Variants in BAZ2B observed in about 807,000 individuals in gnomAD.
The protein encoded by BAZ2B is bromodomain adjacent to zinc finger domain 2B.
A neutral mutation model predicts 246.0 loss-of-function variants in BAZ2B; 91 were observed. That is an observed-to-expected ratio of 0.37 (90% CI 0.31 to 0.44). The LOEUF is 0.44. Among genes scored for constraint, BAZ2B ranks in the 20% least tolerant of loss-of-function variants. BAZ2B has a pLI of 1.00. For missense variants in BAZ2B, 2,332 were observed against 2,533.7 expected, an observed-to-expected ratio of 0.92 and a Z score of 1.71; for synonymous variants, 855 against 860.0, an observed-to-expected ratio of 0.99 and a Z score of 0.10.
chr2:159,428,013 G>A lies in BAZ2B; in HGVS notation c.2394C>T (p.Ile798=). 1.2e-6 allele frequency: 2 copies of A among 1,613,388 alleles called. No homozygotes were observed. Among genetic ancestry groups the A allele is most frequent in the Non-Finnish European group, 8.5e-7 (1 of 1,179,478 alleles). Residue 798 remains isoleucine, a synonymous_variant, in exon 13 of 37, where the codon ATC becomes ATT. Transcript: ENST00000392783. ...CACTGAAGCTGAAATTGTCCCTTGAGATATCCATTATTCCATTTCTGCTGA... is the reference window on the plus strand; with the variant it reads ...CACTGAAGCTGAAATTGTCCCTTGAAATATCCATTATTCCATTTCTGCTGA... The part of the protein sequence containing the change: ...KYLSRNGIMD[I]SRDNFSFSAK...
the BAZ2B span, among the ~76,000 whole-genome samples, chr2:159,629,225 G>T: frequency 6.6e-6 from 1 of 152,266 alleles, no homozygotes; most frequent in East Asian, 1.9e-4. Flanking sequence ...TACTGTTGGT[G>T]GGAGTGTAAA....
intron 1 of BAZ2B, among the ~76,000 whole-genome samples, chr2:159,559,656 A>T (rs868779496): frequency 1.3e-5 from 2 of 152,198 alleles, no homozygotes; most frequent in African/African-American, 2.4e-5. Flanking sequence ...TACATGACTT[A>T]ATAGGTACTT....
chr2:159,382,548 A>G lies in BAZ2B; in HGVS notation c.4005+11T>C, dbSNP rs374903010. 97 of 1,546,664 alleles carry G rather than the reference A, an allele frequency of 6.3e-5. No individual in the cohort carries two copies. In the African/African-American group the frequency reaches 1.2e-3, roughly 19 times the overall value. On this transcript the variant is annotated intron_variant, in intron 25 of 36. Transcript: ENST00000392783. ...TTCTAGTTGTCTTAAAATCAACCTA[A>G]ATTTCATTACCTCATCTTCACAGAT...
At chr2:159,527,872 T>G (rs1201641296) in intron 2 of BAZ2B, among the ~76,000 whole-genome samples, 1 of 152,180 alleles carries the variant, frequency 6.6e-6, no homozygotes, top group Non-Finnish European at 1.5e-5. Context: ...CTTGAGAGTG[T>G]TTCTGTAGAC....
intron 5 of BAZ2B, 112 bp downstream of exon 5, chr2:159,448,130 A>G: frequency 8.3e-7 from 1 of 1,210,958 alleles, no homozygotes; most frequent in South Asian, 1.5e-5. Context: ...TCTCTATTAA[A>G]ACAAACAAAC....
intron 16 of BAZ2B, among the ~76,000 whole-genome samples, chr2:159,401,873 C>G (rs2065130524): frequency 6.6e-6 from 1 of 152,176 alleles, no homozygotes; most frequent in East Asian, 1.9e-4. Context: ...AAGTTTCCTA[C>G]TTGAAAATTG....
intron 8 of BAZ2B, chr2:159,434,151 AATT>A (rs34005325): frequency 0.32 from 47,861 of 150,300 alleles, 9,513 homozygotes; most frequent in Non-Finnish European, 0.46. Flanking sequence ...TAAGTCAAAG[AATT>A]ATTATTATTA....
intron 25 of BAZ2B, among the ~76,000 whole-genome samples, chr2:159,379,736 C>T (rs1342651372): frequency 1.3e-5 from 2 of 152,134 alleles, no homozygotes; most frequent in African/African-American, 4.8e-5. Context: ...TCTCAGCTTT[C>T]TTTCACATTC....
At chr2:159,331,527 AT>A (rs1227416488) in intron 34 of BAZ2B, among the ~76,000 whole-genome samples, 1 of 152,044 alleles carries the variant, frequency 6.6e-6, no homozygotes, top group Non-Finnish European at 1.5e-5. Flanking sequence ...GCCACCACTA[AT>A]TTTTGCCTGG....
At chr2:159,618,528 A>G (rs538175328), upstream of BAZ2B, among the ~76,000 whole-genome samples, 1 of 152,158 alleles carries the variant, frequency 6.6e-6, no homozygotes, top group Admixed American at 6.5e-5. Context: ...GTATGAATGC[A>G]CTTAGTATCT....
intron 2 of BAZ2B, among the ~76,000 whole-genome samples, chr2:159,503,822 C>T (rs1262318074): frequency 6.6e-6 from 1 of 152,144 alleles, no homozygotes; most frequent in African/African-American, 2.4e-5. Flanking sequence ...CTCAGGTAAT[C>T]CACCTGCCTC....
At chr2:159,542,621 A>G (rs1003367636) in intron 2 of BAZ2B, among the ~76,000 whole-genome samples, 8 of 152,138 alleles carry the variant, frequency 5.3e-5, no homozygotes, top group Non-Finnish European at 7.3e-5. Context: ...CAGGCAAGAG[A>G]GTAAGATCCT....
At chr2:159,590,269 CAA>C (rs34798154) in intron 1 of BAZ2B, among the ~76,000 whole-genome samples, 841 of 69,304 alleles carry the variant, frequency 0.012, 17 homozygotes, top group African/African-American at 0.041. Flanking sequence ...ATCTTCCACT[CAA>C]AAAAAAAAAA....
chr2:159,450,449 A>G (rs1415607203), intron 4 of BAZ2B, among the ~76,000 whole-genome samples: 2 of 152,072 alleles, frequency 1.3e-5, no homozygotes, highest in African/African-American at 2.4e-5. Context: ...TGTGTTATAA[A>G]TAACCTGACA....
At chr2:159,475,263 T>C (rs1357498901) in intron 3 of BAZ2B, among the ~76,000 whole-genome samples, 1 of 152,194 alleles carries the variant, frequency 6.6e-6, no homozygotes, top group South Asian at 2.1e-4. Context: ...TTTCATTGTT[T>C]TTTCTCTAAT....
intron 1 of BAZ2B, among the ~76,000 whole-genome samples, chr2:159,571,848 G>A (rs1239112289): frequency 6.6e-6 from 1 of 152,112 alleles, no homozygotes; most frequent in Non-Finnish European, 1.5e-5. Flanking sequence ...TCTTGATCAG[G>A]AGCCTACTCC....
the BAZ2B span, among the ~76,000 whole-genome samples, chr2:159,691,802 T>C: frequency 6.6e-6 from 1 of 152,234 alleles, no homozygotes; most frequent in Non-Finnish European, 1.5e-5. Context: ...CAGTGCCATT[T>C]ACTGAAGAGA....
intron 1 of BAZ2B, among the ~76,000 whole-genome samples, chr2:159,556,811 T>G (rs2089196137): frequency 6.6e-6 from 1 of 152,152 alleles, no homozygotes; most frequent in African/African-American, 2.4e-5. Flanking sequence ...CCCTTAAATG[T>G]TTAGTATCAA....
the BAZ2B span, among the ~76,000 whole-genome samples, chr2:159,710,153 A>G: frequency 6.6e-6 from 1 of 151,928 alleles, no homozygotes; most frequent in Non-Finnish European, 1.5e-5. Flanking sequence ...TTAAGAAACT[A>G]TGGTCATTTT....
Sources: allele counts gnomAD v4.1 joint callset (sites outside exome capture counted in the v4.1 genomes callset), GRCh38; gene constraint gnomAD v4.1.1; transcripts MANE v1.5; gene names NCBI Gene and HGNC (gene_info 2026-07-23, HGNC 2026-07-21).